KLHDC4: variants seen among roughly 807,000 people sequenced by gnomAD.
KLHDC4 encodes the protein kelch domain containing 4, also known as kelch domain-containing protein 4.
Under a neutral mutation model 62.4 loss-of-function variants are expected in KLHDC4, and 90 were observed. The observed-to-expected ratio is 1.44, with a 90% CI of 1.22 to 1.72. The LOEUF is 1.72. KLHDC4 is among the 40% of genes most tolerant of loss of function. The pLI is 0.00. For synonymous variants in KLHDC4, 386 were observed against 284.4 expected (o/e 1.36, Z -3.59); for missense variants, 1,025 against 699.7 (o/e 1.47, Z -5.25).
At chr16:87,703,896 C>T (rs1285173350), downstream of KLHDC4, among the ~76,000 whole-genome samples, 1 of 152,230 alleles carries the variant, frequency 6.6e-6, no homozygotes, top group Non-Finnish European at 1.5e-5. Flanking sequence ...GTGACTGCAA[C>T]CTGCGCCGGG....
chr16:87,716,578 C>G (rs192870430), intron 7 of KLHDC4, among the ~76,000 whole-genome samples: 1 of 152,100 alleles, frequency 6.6e-6, no homozygotes, highest in Non-Finnish European at 1.5e-5. Context: ...CTCGGCCCTA[C>G]GATTCGCCAT....
chr16:87,722,812 C>T (rs770299195), intron 7 of KLHDC4, among the ~76,000 whole-genome samples: 6 of 152,240 alleles, frequency 3.9e-5, no homozygotes, highest in South Asian at 2.1e-4. Context: ...CCCGGGGAGG[C>T]GCCAGGTCTG....
intron 10 of KLHDC4, 25 bp from the exon 11 acceptor site, chr16:87,708,491 T>C: frequency 1.3e-6 from 2 of 1,562,364 alleles, no homozygotes; most frequent in South Asian, 1.1e-5. Flanking sequence ...TGAACGCACA[T>C]ACACGTCAGC....
intron 8 of KLHDC4, among the ~76,000 whole-genome samples, chr16:87,711,880 C>T (rs1430637955): frequency 7.3e-6 from 1 of 136,886 alleles, no homozygotes; most frequent in Non-Finnish European, 1.5e-5. Flanking sequence ...ACCCTCCACC[C>T]TGCACGGGGA....
At chr16:87,702,317 C>A (rs2034181475) in exon 1 of KLHDC4, 1 of 455,924 alleles carries the variant, frequency 2.2e-6, no homozygotes, top group African/African-American at 2.0e-5. Flanking sequence ...GGCTCCCAGG[C>A]CCTGGGGTCA....
Position 87,761,969 on chromosome 16 carries a change from C to G in KLHDC4, c.171G>C (p.Pro57=). ...DAKRTQTVEL[P]CPPPSPRLNA... is the part of the protein sequence containing the mutation. Reference sequence around the variant, plus strand: ...CTCACCTTGGTGAGGGTGGGGGGCACGGAAGTTCCACAGTCTGAGTCCTCT... The same window carrying G: ...CTCACCTTGGTGAGGGTGGGGGGCAGGGAAGTTCCACAGTCTGAGTCCTCT... The change falls in exon 2 of 12, where the codon CCG becomes CCC. Residue 57 remains proline (P), a synonymous_variant. Transcript: ENST00000270583. The G allele has an allele frequency of 2.5e-6, 4 of 1,613,698 alleles. No homozygotes were observed. Among genetic ancestry groups the G allele is most frequent in the Non-Finnish European group, 3.4e-6 (4 of 1,179,864 alleles).
At chr16:87,737,182 C>T (rs1020765580) in intron 5 of KLHDC4, among the ~76,000 whole-genome samples, 3 of 150,416 alleles carry the variant, frequency 2.0e-5, no homozygotes, top group African/African-American at 7.3e-5. Context: ...CAGTCAGTGG[C>T]ACAGCCAGAA....
chr16:87,727,283 A>C (rs1003607934), intron 6 of KLHDC4, among the ~76,000 whole-genome samples: 20 of 152,204 alleles, frequency 1.3e-4, no homozygotes, highest in African/African-American at 4.6e-4. Flanking sequence ...GAGGCAGAGG[A>C]ATTTAATCTG....
At chr16:87,705,949 C>T (rs1348920982), downstream of KLHDC4, among the ~76,000 whole-genome samples, 1 of 152,198 alleles carries the variant, frequency 6.6e-6, no homozygotes, top group Non-Finnish European at 1.5e-5. Context: ...CGGCGCAACG[C>T]AACACAAGCT....
chr16:87,707,161 T>C (rs924758304), downstream of KLHDC4, among the ~76,000 whole-genome samples: 2 of 152,252 alleles, frequency 1.3e-5, no homozygotes, highest in African/African-American at 4.8e-5. Flanking sequence ...CGAATTGGCC[T>C]TCAGTCTTGG....
chr16:87,763,188 C>T (rs188294721), intron 1 of KLHDC4, among the ~76,000 whole-genome samples: 150 of 152,360 alleles, frequency 9.8e-4, no homozygotes, highest in Admixed American at 3.5e-3. Context: ...TACCCACCCA[C>T]ACATTCCCTC....
Position 87,726,819 on chromosome 16 carries a change from C to G in KLHDC4, c.705G>C (p.Gln235His), listed in dbSNP as rs766995950. ...TGCCGCCCTGGGGAGTGACGGACAT[C>G]TGGCAGCCTGATCTGGGTGTGGGCC... ...GTGPTPRSGC[Q>H]MSVTPQGGIV... Residue 235 changes from glutamine to histidine, a missense_variant, in exon 7 of 12, where the codon CAG (glutamine) becomes CAC (histidine). Physicochemically the swap from Gln to His is conservative, Grantham distance 24. Transcript: ENST00000270583. 2.5e-6 allele frequency: 4 copies of G among 1,611,570 alleles called. No individual in the cohort carries two copies. The highest frequency in any genetic ancestry group is 2.7e-5 in the African/African-American group (2 of 74,634).
intron 7 of KLHDC4, among the ~76,000 whole-genome samples, chr16:87,719,259 C>A (rs1597458531): frequency 6.6e-6 from 1 of 152,218 alleles, no homozygotes; most frequent in African/African-American, 2.4e-5. Context: ...AAAGAGAGAT[C>A]AGATTGTTAC....
At chr16:87,722,925 G>T (rs1029673479) in intron 7 of KLHDC4, among the ~76,000 whole-genome samples, 1 of 152,248 alleles carries the variant, frequency 6.6e-6, no homozygotes, top group African/African-American at 2.4e-5. Context: ...GCGGGTGGCA[G>T]GACCTCCTGG....
chr16:87,702,000 C>T (rs1038361328), exon 14 of KLHDC4: 2 of 456,206 alleles, frequency 4.4e-6, no homozygotes, highest in East Asian at 6.9e-5. Flanking sequence ...AAGCTCAGCC[C>T]AGCAGCCAGG....
intron 4 of KLHDC4, among the ~76,000 whole-genome samples, chr16:87,749,686 T>C (rs1400854069): frequency 6.6e-6 from 1 of 152,074 alleles, no homozygotes; most frequent in Admixed American, 6.6e-5. Flanking sequence ...TGGTTTCAAG[T>C]GACCCTCCCA....
chr16:87,731,681 G>A (rs116562409), intron 5 of KLHDC4, among the ~76,000 whole-genome samples: 6 of 151,890 alleles, frequency 4.0e-5, no homozygotes, highest in South Asian at 2.1e-4. Context: ...TAAACTTAGC[G>A]CACAGCTTAG....
intron 2 of KLHDC4, among the ~76,000 whole-genome samples, chr16:87,761,038 G>GAAA (rs1013329959): frequency 1.4e-5 from 2 of 146,012 alleles, no homozygotes; most frequent in African/African-American, 5.0e-5. Flanking sequence ...ATCTCAAAAA[G>GAAA]AAAAAAAAAA....
intron 7 of KLHDC4, among the ~76,000 whole-genome samples, chr16:87,717,713 T>A (rs186661639): frequency 2.0e-5 from 3 of 148,666 alleles, no homozygotes; most frequent in African/African-American, 7.9e-5. Context: ...GTGAACTGAA[T>A]TGACACCCAG....
Sources: gnomAD v4.1 joint callset for allele counts (sites outside exome capture counted in the v4.1 genomes callset) on GRCh38, gnomAD v4.1.1 for gene constraint, MANE v1.5 for transcripts, NCBI Gene and HGNC (gene_info 2026-07-23, HGNC 2026-07-21) for gene names.